PRELID2: variants seen among roughly 807,000 people sequenced by gnomAD.
PRELID2 encodes the protein PRELI domain-containing protein 2.
A neutral mutation model predicts 28.4 loss-of-function variants in PRELID2; 25 were observed. That is an observed-to-expected ratio of 0.88 (90% confidence interval 0.64 to 1.23). The LOEUF (loss-of-function observed/expected upper bound fraction) is 1.23, where lower values mean the gene tolerates loss of function less well. Among genes scored for constraint, PRELID2 ranks in the 50% most tolerant of loss-of-function variants. PRELID2 has a pLI of 0.00. For synonymous variants in PRELID2, 76 were observed against 71.6 expected (o/e 1.06, Z -0.31); for missense variants, 201 against 214.4 (o/e 0.94, Z 0.39).
chr5:145,292,460 A>T, the PRELID2 span, among the ~76,000 whole-genome samples: 1 of 152,112 alleles, frequency 6.6e-6, no homozygotes, highest in Non-Finnish European at 1.5e-5. Flanking sequence ...TGAGATACAC[A>T]CATTGTAAAG....
intron 1 of PRELID2, among the ~76,000 whole-genome samples, chr5:145,704,846 T>G (rs1755501619): frequency 6.6e-6 from 1 of 152,284 alleles, no homozygotes. Flanking sequence ...AGCAGCCAGA[T>G]GCACTTGTAC....
chr5:145,352,016 C>T, the PRELID2 span, among the ~76,000 whole-genome samples: 1 of 152,192 alleles, frequency 6.6e-6, no homozygotes, highest in African/African-American at 2.4e-5. Flanking sequence ...GTACAACCCC[C>T]GTCTCAGGTG....
chr5:145,253,491 T>C, the PRELID2 span, among the ~76,000 whole-genome samples: 18 of 152,100 alleles, frequency 1.2e-4, no homozygotes, highest in African/African-American at 3.9e-4. Context: ...AGGAGATCCA[T>C]CTGACATCCA....
chr5:145,290,536 TG>T, the PRELID2 span, among the ~76,000 whole-genome samples: 1 of 136,394 alleles, frequency 7.3e-6, no homozygotes, highest in Non-Finnish European at 1.5e-5. Context: ...CACTCATAGG[TG>T]GGAATTGAAC....
At chr5:145,786,046 T>A (rs1248910887) in intron 5 of PRELID2, among the ~76,000 whole-genome samples, 1 of 152,222 alleles carries the variant, frequency 6.6e-6, no homozygotes, top group African/African-American at 2.4e-5. Flanking sequence ...TGCCTACTTA[T>A]AAATAAATAA....
At chr5:145,728,628 C>G in intron 1 of PRELID2, 1 of 1,177,340 alleles carries the variant, frequency 8.5e-7, no homozygotes, top group Non-Finnish European at 1.3e-6. Context: ...ATTATAGACT[C>G]CATAACGAAC....
At chr5:145,637,634 G>A (rs1055086254) in intron 1 of PRELID2, among the ~76,000 whole-genome samples, 1 of 152,100 alleles carries the variant, frequency 6.6e-6, no homozygotes, top group Non-Finnish European at 1.5e-5. Flanking sequence ...AGTATAAGAA[G>A]AAGGCACATG....
chr5:145,399,855 G>T, the PRELID2 span, among the ~76,000 whole-genome samples: 35 of 152,252 alleles, frequency 2.3e-4, no homozygotes, highest in Admixed American at 1.9e-3. Flanking sequence ...AGATTGTTCA[G>T]GGAAATTCCC....
intron 5 of PRELID2, among the ~76,000 whole-genome samples, chr5:145,786,514 T>A (rs1347099212): frequency 6.6e-6 from 1 of 152,172 alleles, no homozygotes; most frequent in African/African-American, 2.4e-5. Context: ...CATGTGAGTT[T>A]GGAGATGAAG....
chr5:145,763,576 C>G (rs58545626), intron 6 of PRELID2, among the ~76,000 whole-genome samples: 4,362 of 152,300 alleles, frequency 0.029, 209 homozygotes, highest in African/African-American at 0.098. Context: ...ATGCTTTACA[C>G]GCCAAGGTGC....
intron 1 of PRELID2, among the ~76,000 whole-genome samples, chr5:145,831,569 C>A (rs141101207): frequency 6.6e-6 from 1 of 152,288 alleles, no homozygotes; most frequent in African/African-American, 2.4e-5. Context: ...ATTCACCCAG[C>A]AAATGGGTTT....
chr5:145,710,792 T>C lies in PRELID2; in HGVS notation n.70+54139A>G, dbSNP rs536061939. ...ATGAATAAGGGATAAAAAAGAAGGT[T>C]CTTTACAGAGGTTTCCCAGAAGCTG... On this transcript the variant is annotated intron_variant and non_coding_transcript_variant, in intron 1 of 2. Transcript: ENST00000510259. Among the ~76,000 whole-genome samples the C allele has an allele frequency of 7.2e-5, 11 of 152,302 alleles. No homozygotes were observed. The South Asian group carries it at 1.5e-3, about 20-fold the overall frequency.
intron 1 of PRELID2, among the ~76,000 whole-genome samples, chr5:145,478,197 T>A (rs1752121101): frequency 6.6e-6 from 1 of 152,074 alleles, no homozygotes; most frequent in Non-Finnish European, 1.5e-5. Context: ...TGTGGCTAGT[T>A]CAAATAGAGC....
chr5:145,688,512 A>C (rs1755081248), intron 1 of PRELID2, among the ~76,000 whole-genome samples: 1 of 152,216 alleles, frequency 6.6e-6, no homozygotes, highest in South Asian at 2.1e-4. Flanking sequence ...TAATCAAACA[A>C]TATATGCCAT....
rs538716721 is a variant in PRELID2 at position 145,723,692 on chromosome 5, G to A, written n.70+41239C>T. ...CATTGGCAAAAAGTTTAAAAGCTTG[G>A]CAACACATTCTGTTGGCAAGGCTTG... On this transcript the variant is annotated intron_variant and non_coding_transcript_variant, in intron 1 of 2. Coordinates refer to the PRELID2 transcript ENST00000510259. 1.4e-3 allele frequency among the ~76,000 whole-genome samples: 212 copies of A among 152,092 alleles called. 1 individual carries two copies. Among genetic ancestry groups the A allele is most frequent in the Admixed American group, 3.1e-3 (48 of 15,268 alleles).
At chr5:145,479,051 G>A (rs193252280) in intron 1 of PRELID2, among the ~76,000 whole-genome samples, 2 of 152,150 alleles carry the variant, frequency 1.3e-5, no homozygotes, top group African/African-American at 2.4e-5. Flanking sequence ...AACTCTTTAA[G>A]AAGTAAGGAC....
intron 1 of PRELID2, among the ~76,000 whole-genome samples, chr5:145,703,422 C>T (rs188703064): frequency 5.9e-5 from 9 of 152,294 alleles, no homozygotes; most frequent in Non-Finnish European, 1.0e-4. Context: ...GCCCCAAATA[C>T]ACACAGTAGC....
At chr5:145,375,296 A>G in the PRELID2 span, among the ~76,000 whole-genome samples, 1 of 152,036 alleles carries the variant, frequency 6.6e-6, no homozygotes, top group African/African-American at 2.4e-5. Context: ...TTGTACCTGC[A>G]TCTGAAAATG....
intron 1 of PRELID2, among the ~76,000 whole-genome samples, chr5:145,497,970 A>T (rs113937802): frequency 4.9e-4 from 75 of 152,302 alleles, no homozygotes; most frequent in Non-Finnish European, 9.6e-4. Flanking sequence ...TTGTTTGTCA[A>T]CACTTGCCCT....
Sources: allele counts gnomAD v4.1 joint callset (sites outside exome capture counted in the v4.1 genomes callset), GRCh38; gene constraint gnomAD v4.1.1; transcripts MANE v1.5; gene names NCBI Gene and HGNC (gene_info 2026-07-23, HGNC 2026-07-21).